The following TMEM117 variants were observed in gnomAD, a reference collection of about 807,000 sequenced individuals.
The protein encoded by TMEM117 is transmembrane protein 117.
Under a neutral mutation model 52.4 loss-of-function variants are expected in TMEM117, and 27 were observed. The ratio of observed to expected loss-of-function variants is 0.51; its 90% CI spans 0.38 to 0.71. The LOEUF is 0.71. Ranked by LOEUF, TMEM117 falls within the 30% of genes least tolerant of loss-of-function variation. The probability of loss-of-function intolerance (pLI) is 0.00; values close to 1 mark genes in which losing one functional copy is unlikely to be tolerated. For synonymous variants in TMEM117, 215 were observed against 206.3 expected, an observed-to-expected ratio of 1.04 and a Z score of -0.36; for missense variants, 556 against 630.5, an observed-to-expected ratio of 0.88 and a Z score of 1.26.
At chr12:44,267,685 C>A (rs1189723247) in intron 5 of TMEM117, among the ~76,000 whole-genome samples, 1 of 152,148 alleles carries the variant, frequency 6.6e-6, no homozygotes, top group Non-Finnish European at 1.5e-5. Flanking sequence ...CCCTCCAAGT[C>A]CCTAGCAACC....
At chr12:43,889,976 A>ATGAC (rs1944073260) in intron 2 of TMEM117, among the ~76,000 whole-genome samples, 1 of 152,190 alleles carries the variant, frequency 6.6e-6, no homozygotes, top group Non-Finnish European at 1.5e-5. Flanking sequence ...TGAAACTAGA[A>ATGAC]TAGTCCTTCA....
At chr12:44,182,853 G>A (rs1949223578) in intron 4 of TMEM117, among the ~76,000 whole-genome samples, 1 of 152,058 alleles carries the variant, frequency 6.6e-6, no homozygotes. Flanking sequence ...AACTTCATTT[G>A]ATGTGTAGTT....
the TMEM117 span, among the ~76,000 whole-genome samples, chr12:43,808,588 A>G: frequency 1.3e-5 from 2 of 152,130 alleles, no homozygotes; most frequent in Non-Finnish European, 2.9e-5. Flanking sequence ...TAAATAACAT[A>G]AATGAATGAA....
At chr12:44,147,001 T>C (rs1210930804) in intron 4 of TMEM117, among the ~76,000 whole-genome samples, 1 of 152,220 alleles carries the variant, frequency 6.6e-6, no homozygotes, top group Non-Finnish European at 1.5e-5. Flanking sequence ...CTTCAAGCTC[T>C]GCTGGGTCCA....
chr12:44,273,556 A>C (rs189746769), intron 5 of TMEM117, among the ~76,000 whole-genome samples: 2 of 152,170 alleles, frequency 1.3e-5, no homozygotes, highest in African/African-American at 2.4e-5. Flanking sequence ...ATATTGATGC[A>C]AAAATTCTCA....
Position 43,844,691 on chromosome 12 carries a change from T to C in TMEM117, c.40T>C (p.Ser14Pro). The C allele has an allele frequency of 6.2e-7, 1 of 1,614,158 alleles. No homozygotes were observed. Among genetic ancestry groups the C allele is most frequent in the Non-Finnish European group, 8.5e-7 (1 of 1,180,034 alleles). ...TCGTTACTATTTCCAGCATCCCTGG[T>C]CTCGCATGATTGTGGCTTACTTGGT... ...DFRYYFQHPWSRMIVAYLVIF... is the reference protein window; with the variant it reads ...DFRYYFQHPWPRMIVAYLVIF... The change falls in exon 2 of 8, where the codon TCT (serine) becomes CCT (proline). Residue 14 changes from serine (S) to proline (P), a missense_variant. By Grantham distance (74) the Ser-to-Pro change is moderately conservative. Coordinates refer to ENST00000266534, the MANE Select transcript of TMEM117 (RefSeq NM_032256.3).
At chr12:44,100,391 T>TG (rs1947841931) in intron 3 of TMEM117, among the ~76,000 whole-genome samples, 1 of 152,038 alleles carries the variant, frequency 6.6e-6, no homozygotes, top group Non-Finnish European at 1.5e-5. Context: ...TATCTATGCA[T>TG]GCGGAGACCA....
intron 2 of TMEM117, among the ~76,000 whole-genome samples, chr12:43,880,299 A>G (rs965596491): frequency 5.3e-5 from 8 of 152,148 alleles, no homozygotes; most frequent in African/African-American, 1.9e-4. Flanking sequence ...CTTGCACTAT[A>G]TACTGTTATT....
chr12:44,058,242 A>T (rs1355299909), intron 3 of TMEM117, among the ~76,000 whole-genome samples: 1 of 152,156 alleles, frequency 6.6e-6, no homozygotes, highest in Non-Finnish European at 1.5e-5. Flanking sequence ...GAATCTCAGC[A>T]GCCTCAGGTC....
At chr12:44,026,044 T>A (rs182596662) in intron 3 of TMEM117, among the ~76,000 whole-genome samples, 1 of 152,294 alleles carries the variant, frequency 6.6e-6, no homozygotes, top group Admixed American at 6.5e-5. Flanking sequence ...TTTTCTACCC[T>A]CTGCACTGGA....
At chr12:44,277,761 C>CT (rs35687259) in intron 5 of TMEM117, among the ~76,000 whole-genome samples, 3,735 of 95,484 alleles carry the variant, frequency 0.039, 392 homozygotes, top group African/African-American at 0.13. Flanking sequence ...AAACTCTGAG[C>CT]TTTTTTTTTT....
At chr12:44,146,671 T>A (rs1948646724) in intron 4 of TMEM117, among the ~76,000 whole-genome samples, 1 of 152,210 alleles carries the variant, frequency 6.6e-6, no homozygotes, top group Non-Finnish European at 1.5e-5. Flanking sequence ...TGTCTACATA[T>A]GTGTATATTG....
the TMEM117 span, among the ~76,000 whole-genome samples, chr12:43,818,795 T>C: frequency 2.6e-5 from 4 of 152,196 alleles, no homozygotes; most frequent in Non-Finnish European, 5.9e-5. Context: ...TGGTCTCAGT[T>C]CAGATTTTGA....
intron 5 of TMEM117, among the ~76,000 whole-genome samples, chr12:44,240,675 T>C (rs556605578): frequency 6.6e-6 from 1 of 152,246 alleles, no homozygotes; most frequent in Non-Finnish European, 1.5e-5. Flanking sequence ...GAGTATATCA[T>C]AGAGACTGTT....
chr12:43,875,220 AGTGTGTGTGTGTGT>A (rs63614060), intron 2 of TMEM117, among the ~76,000 whole-genome samples: 4 of 148,144 alleles, frequency 2.7e-5, no homozygotes, highest in Admixed American at 6.7e-5. Flanking sequence ...ATGGTGGGGA[AGTGTGTGTGTGTGT>A]GTGTGTGTGT....
intron 4 of TMEM117, among the ~76,000 whole-genome samples, chr12:44,162,302 GTC>G (rs1948908735): frequency 6.6e-6 from 1 of 152,098 alleles, no homozygotes; most frequent in Non-Finnish European, 1.5e-5. Context: ...TGGGGTGGGT[GTC>G]ACTTCTTGGC....
At chr12:44,237,930 T>C (rs778435190) in intron 5 of TMEM117, among the ~76,000 whole-genome samples, 1 of 152,196 alleles carries the variant, frequency 6.6e-6, no homozygotes, top group Non-Finnish European at 1.5e-5. Flanking sequence ...TATTTTTGTA[T>C]GCATTGAGAA....
the TMEM117 span, among the ~76,000 whole-genome samples, chr12:44,397,502 C>G: frequency 6.6e-6 from 1 of 152,130 alleles, no homozygotes; most frequent in Non-Finnish European, 1.5e-5. Context: ...ATGTTGCTCT[C>G]TGAAAGCCAC....
chr12:44,019,869 T>A (rs1299289865), intron 3 of TMEM117, among the ~76,000 whole-genome samples: 2 of 152,204 alleles, frequency 1.3e-5, no homozygotes, highest in African/African-American at 4.8e-5. Flanking sequence ...CTTTGATTTT[T>A]CCTCATTCCA....
Sources: gnomAD v4.1 joint callset for allele counts (sites outside exome capture counted in the v4.1 genomes callset) on GRCh38, gnomAD v4.1.1 for gene constraint, MANE v1.5 for transcripts, NCBI Gene and HGNC (gene_info 2026-07-23, HGNC 2026-07-21) for gene names.